Variants in RPS6KA5 observed in about 807,000 individuals in gnomAD.
RPS6KA5 encodes ribosomal protein S6 kinase A5.
RPS6KA5 carries 27 observed loss-of-function variants against 85.5 expected under a neutral mutation model. That is an observed-to-expected ratio of 0.32 (90% confidence interval 0.23 to 0.44). The LOEUF is 0.44. RPS6KA5 is among the 20% of genes least tolerant of loss of function. RPS6KA5 has a pLI of 1.00. For synonymous variants in RPS6KA5, 334 were observed against 348.2 expected (o/e 0.96, Z 0.46); for missense variants, 811 against 980.9 (o/e 0.83, Z 2.31).
intron 2 of RPS6KA5, among the ~76,000 whole-genome samples, chr14:90,992,534 T>C (rs892716697): frequency 6.6e-6 from 1 of 152,242 alleles, no homozygotes; most frequent in Non-Finnish European, 1.5e-5. Flanking sequence ...ATAAATTTGA[T>C]ATTAAAAATT....
Position 90,902,840 on chromosome 14 carries a change from C to T in RPS6KA5, c.1087G>A (p.Ala363Thr). The change falls in exon 9 of 17, where the codon GCC becomes ACC. Residue 363 changes from alanine (A) to threonine (T), a missense_variant. Around this residue, in one of 3 missense-constraint regions of RPS6KA5, gnomAD observed 650 missense variants for 793.4 expected, o/e 0.82. Transcript: ENST00000614987. The part of the protein sequence containing the change: ...TEMDPTYSPA[A>T]LPQSSEKLFQ... The stretch of plus-strand genomic sequence containing the variant: ...AGCTTCTCAGAACTCTGGGGCAGGG[C>T]TGCGGGAGAATAAGTGGGATCCATT... 6.2e-7 allele frequency: 1 copy of T among 1,613,976 alleles called. No individual in the cohort carries two copies. The highest frequency in any genetic ancestry group is 8.5e-7 in the Non-Finnish European group (1 of 1,179,928).
chr14:91,038,168 A>G (rs1213423554), intron 1 of RPS6KA5, among the ~76,000 whole-genome samples: 1 of 152,180 alleles, frequency 6.6e-6, no homozygotes, highest in Non-Finnish European at 1.5e-5. Context: ...TAAGGAGTTC[A>G]AGATTCTCAG....
chr14:91,050,020 T>C (rs1012551392), intron 1 of RPS6KA5, among the ~76,000 whole-genome samples: 1 of 152,246 alleles, frequency 6.6e-6, no homozygotes, highest in Admixed American at 6.5e-5. Flanking sequence ...CATGAATATA[T>C]ACATTTACAT....
intron 3 of RPS6KA5, among the ~76,000 whole-genome samples, chr14:90,965,427 A>G (rs941847): frequency 0.81 from 123,901 of 152,140 alleles, 50,917 homozygotes; most frequent in East Asian, 0.97. Context: ...AATCTGACAT[A>G]CATTTCCAAG....
chr14:90,898,053 G>C (rs1004127829), intron 12 of RPS6KA5, among the ~76,000 whole-genome samples: 35 of 152,186 alleles, frequency 2.3e-4, no homozygotes, highest in African/African-American at 7.2e-4. Context: ...AGAGTGAGTA[G>C]AGGATGATGC....
chr14:90,899,233 G>A, intron 12 of RPS6KA5, 96 bp downstream of exon 12: 1 of 813,994 alleles, frequency 1.2e-6, no homozygotes, highest in East Asian at 2.5e-5. Flanking sequence ...CTATATCCCT[G>A]ACTCTGACCC....
rs528219188 is a variant in RPS6KA5, at chr14:90,883,224, T to C, written c.1836+7263A>G. On this transcript the variant is annotated intron_variant, in intron 14 of 16. Transcript: ENST00000614987. Reference sequence around the variant, plus strand: ...AGAATATTTCTTCCAATATTCTCTCTGTCCCTTTCTCTTTCTTCTCCTTCT... The same window carrying C: ...AGAATATTTCTTCCAATATTCTCTCCGTCCCTTTCTCTTTCTTCTCCTTCT... Among the ~76,000 whole-genome samples the C allele has an allele frequency of 1.2e-4, 19 of 152,366 alleles. No homozygotes were observed. In the South Asian group the frequency reaches 3.5e-3, roughly 28 times the overall value.
chr14:91,005,496 A>G (rs2040979109), intron 1 of RPS6KA5, among the ~76,000 whole-genome samples: 1 of 152,218 alleles, frequency 6.6e-6, no homozygotes, highest in Non-Finnish European at 1.5e-5. Flanking sequence ...ATCAGTAGTA[A>G]GTAGTATCAT....
rs1275138933 is a variant in RPS6KA5, at chr14:90,865,091, T to C, written c.*6983A>G. On this transcript the variant is annotated 3_prime_UTR_variant, in exon 17 of 17. Coordinates refer to ENST00000614987, the MANE Select transcript of RPS6KA5 (RefSeq NM_004755.4). ...GTTTTTTTGAGACAGGGTCTCACTCTATCGCCCAGGATGGAATGTAGTGGT... is the reference window on the plus strand; with the variant it reads ...GTTTTTTTGAGACAGGGTCTCACTCCATCGCCCAGGATGGAATGTAGTGGT... 1.3e-5 allele frequency: 2 copies of C among 152,268 alleles called. No homozygotes were observed. The highest frequency in any genetic ancestry group is 4.8e-5 in the African/African-American group (2 of 41,472). The allele number at this position is 152,268 out of a possible 1,614,324, so 9.4% of individuals were successfully genotyped here.
At chr14:91,036,612 G>C (rs1041905165) in intron 1 of RPS6KA5, among the ~76,000 whole-genome samples, 2 of 152,182 alleles carry the variant, frequency 1.3e-5, no homozygotes, top group Admixed American at 6.5e-5. Flanking sequence ...AAAGGACCAA[G>C]GAACATGAAA....
intron 2 of RPS6KA5, among the ~76,000 whole-genome samples, chr14:90,991,810 A>G (rs1235110340): frequency 6.6e-6 from 1 of 152,068 alleles, no homozygotes; most frequent in Non-Finnish European, 1.5e-5. Context: ...AAACTGATCA[A>G]GGTTAGTGAT....
chr14:90,938,316 C>A (rs560429451), intron 5 of RPS6KA5, among the ~76,000 whole-genome samples: 56 of 152,316 alleles, frequency 3.7e-4, no homozygotes, highest in African/African-American at 1.3e-3. Flanking sequence ...AGGGTACAGT[C>A]CCCCTCCTGG....
chr14:90,911,908 A>G (rs960330730), intron 7 of RPS6KA5, among the ~76,000 whole-genome samples: 4 of 152,204 alleles, frequency 2.6e-5, no homozygotes, highest in Non-Finnish European at 4.4e-5. Context: ...TTCGCTTACA[A>G]GATCACGAAC....
intron 7 of RPS6KA5, among the ~76,000 whole-genome samples, chr14:90,912,879 T>A (rs2035901138): frequency 6.8e-6 from 1 of 147,978 alleles, no homozygotes; most frequent in Non-Finnish European, 1.5e-5. Flanking sequence ...CTATAAATAC[T>A]CTTCTTCACT....
chr14:90,909,924 C>T (rs1566728015), intron 7 of RPS6KA5, among the ~76,000 whole-genome samples: 1 of 152,128 alleles, frequency 6.6e-6, no homozygotes, highest in South Asian at 2.1e-4. Context: ...TACAGGCACC[C>T]ACCACCATGC....
intron 1 of RPS6KA5, among the ~76,000 whole-genome samples, chr14:91,009,082 T>C (rs1479747269): frequency 6.6e-6 from 1 of 152,220 alleles, no homozygotes; most frequent in East Asian, 1.9e-4. Flanking sequence ...ATTAACTCAA[T>C]TTCTGTTCCA....
intron 1 of RPS6KA5, among the ~76,000 whole-genome samples, chr14:91,011,832 A>G (rs527455407): frequency 6.6e-6 from 1 of 152,360 alleles, no homozygotes; most frequent in East Asian, 1.9e-4. Flanking sequence ...ACAGCAATAT[A>G]TACATAATAC....
At chr14:90,896,545 T>C (rs936560215) in intron 12 of RPS6KA5, among the ~76,000 whole-genome samples, 6 of 152,190 alleles carry the variant, frequency 3.9e-5, no homozygotes, top group Admixed American at 3.9e-4. Flanking sequence ...TTATCCTGAA[T>C]TATTCATCAG....
chr14:90,935,276 A>G (rs1013499960), intron 5 of RPS6KA5, among the ~76,000 whole-genome samples: 1 of 151,882 alleles, frequency 6.6e-6, no homozygotes, highest in Non-Finnish European at 1.5e-5. Flanking sequence ...TTAGAGAAAG[A>G]TGTAATTTAA....
Sources: allele counts gnomAD v4.1 joint callset (sites outside exome capture counted in the v4.1 genomes callset), GRCh38; gene constraint gnomAD v4.1.1; regional missense constraint gnomAD v4.1.1; transcripts MANE v1.5; gene names NCBI Gene and HGNC (gene_info 2026-07-23, HGNC 2026-07-21).